KHDRBS2: variants seen among roughly 807,000 people sequenced by gnomAD.
The protein encoded by KHDRBS2 is KH domain-containing, RNA-binding, signal transduction-associated protein 2.
Under a neutral mutation model 44.3 loss-of-function variants are expected in KHDRBS2, and 26 were observed. That is an observed-to-expected ratio of 0.59 (90% confidence interval 0.43 to 0.81). The LOEUF (loss-of-function observed/expected upper bound fraction) is 0.81. KHDRBS2 is among the 40% of genes least tolerant of loss of function. The pLI is 0.00. For missense variants in KHDRBS2, 476 were observed against 433.1 expected (o/e 1.10, Z -0.88); for synonymous variants, 194 against 151.1 (o/e 1.28, Z -2.08).
intron 2 of KHDRBS2, among the ~76,000 whole-genome samples, chr6:62,056,640 A>G (rs542446193): frequency 2.0e-5 from 3 of 152,128 alleles, no homozygotes; most frequent in African/African-American, 7.2e-5. Context: ...AAAAATTAAG[A>G]ACAATTCAAG....
At chr6:61,545,059 AC>A in the KHDRBS2 span, among the ~76,000 whole-genome samples, 1 of 152,036 alleles carries the variant, frequency 6.6e-6, no homozygotes, top group South Asian at 2.1e-4. Flanking sequence ...GGGCACATGT[AC>A]CCTAAAACTT....
At chr6:61,782,689 G>GTGTATATA (rs1189465280) in intron 6 of KHDRBS2, among the ~76,000 whole-genome samples, 4 of 111,120 alleles carry the variant, frequency 3.6e-5, no homozygotes, top group African/African-American at 9.0e-5. Context: ...TAAAGGTTGT[G>GTGTATATA]TATATATATA....
chr6:62,126,232 G>A (rs1042972360), intron 2 of KHDRBS2, among the ~76,000 whole-genome samples: 21 of 152,150 alleles, frequency 1.4e-4, no homozygotes, highest in African/African-American at 4.8e-4. Flanking sequence ...CTAGGGCAGT[G>A]GTGGCCGTGG....
chr6:61,639,166 A>T, the KHDRBS2 span, among the ~76,000 whole-genome samples: 1 of 152,154 alleles, frequency 6.6e-6, no homozygotes, highest in African/African-American at 2.4e-5. Flanking sequence ...ATCTATGTTT[A>T]CATAATGTCC....
chr6:61,967,743 A>G (rs1048005225), intron 4 of KHDRBS2, among the ~76,000 whole-genome samples: 1 of 151,684 alleles, frequency 6.6e-6, no homozygotes, highest in Non-Finnish European at 1.5e-5. Flanking sequence ...TAGGACTCAC[A>G]GTTCTCTGTG....
At chr6:62,092,932 G>C (rs1584646444) in intron 2 of KHDRBS2, among the ~76,000 whole-genome samples, 1 of 151,956 alleles carries the variant, frequency 6.6e-6, no homozygotes, top group East Asian at 1.9e-4. Context: ...TCATCAGACA[G>C]GTTAATTTTT....
intron 4 of KHDRBS2, among the ~76,000 whole-genome samples, chr6:61,960,476 C>T (rs1472696877): frequency 6.6e-6 from 1 of 151,964 alleles, no homozygotes; most frequent in Non-Finnish European, 1.5e-5. Flanking sequence ...TATTAACTAT[C>T]ACAATTATGT....
chr6:62,113,995 C>G (rs1313972173), intron 2 of KHDRBS2, among the ~76,000 whole-genome samples: 1 of 152,068 alleles, frequency 6.6e-6, no homozygotes, highest in Non-Finnish European at 1.5e-5. Context: ...GAAGGGGAAG[C>G]AAACACATTC....
At chr6:62,147,556 A>G (rs1814218396) in intron 2 of KHDRBS2, among the ~76,000 whole-genome samples, 1 of 151,842 alleles carries the variant, frequency 6.6e-6, no homozygotes, top group Non-Finnish European at 1.5e-5. Context: ...GCTGCTACTC[A>G]AAGGTCCTTT....
intron 8 of KHDRBS2, among the ~76,000 whole-genome samples, chr6:61,694,805 A>G (rs954473501): frequency 1.3e-5 from 2 of 152,144 alleles, no homozygotes; most frequent in African/African-American, 4.8e-5. Flanking sequence ...TGCACTTCCT[A>G]TGGCAGCTTA....
chr6:61,605,193 C>A, the KHDRBS2 span, among the ~76,000 whole-genome samples: 1 of 152,124 alleles, frequency 6.6e-6, no homozygotes, highest in Non-Finnish European at 1.5e-5. Flanking sequence ...TATTAGGCCC[C>A]AGTCTCATTC....
chr6:61,911,069 A>T (rs1194698411), intron 4 of KHDRBS2, among the ~76,000 whole-genome samples: 1 of 152,218 alleles, frequency 6.6e-6, no homozygotes, highest in African/African-American at 2.4e-5. Flanking sequence ...TTAACAAAGA[A>T]ACTATAATGA....
intron 2 of KHDRBS2, among the ~76,000 whole-genome samples, chr6:62,068,088 A>C (rs993758425): frequency 1.3e-5 from 2 of 151,494 alleles, no homozygotes; most frequent in Non-Finnish European, 3.0e-5. Flanking sequence ...GGGAATTCTA[A>C]GTTTAACATT....
At chr6:61,748,524 G>A (rs1412198339) in intron 6 of KHDRBS2, among the ~76,000 whole-genome samples, 1 of 152,002 alleles carries the variant, frequency 6.6e-6, no homozygotes, top group African/African-American at 2.4e-5. Context: ...TTGAATAATT[G>A]CATCTGAAAA....
chr6:61,771,139 G>C (rs1780818987), intron 6 of KHDRBS2, among the ~76,000 whole-genome samples: 1 of 152,194 alleles, frequency 6.6e-6, no homozygotes, highest in African/African-American at 2.4e-5. Flanking sequence ...CAAATGCTGA[G>C]AGATTTTGTC....
chr6:61,662,296 T>C, the KHDRBS2 span, among the ~76,000 whole-genome samples: 1 of 152,034 alleles, frequency 6.6e-6, no homozygotes, highest in Admixed American at 6.6e-5. Flanking sequence ...ATAAAAACCC[T>C]AGAAGAAAAC....
chr6:61,969,203 C>G (rs1583862766), intron 4 of KHDRBS2, among the ~76,000 whole-genome samples: 1 of 151,890 alleles, frequency 6.6e-6, no homozygotes, highest in Non-Finnish European at 1.5e-5. Flanking sequence ...GCTCATAGAA[C>G]TTAAGGTTGA....
chr6:61,733,465 T>C (rs1180663769), intron 6 of KHDRBS2, among the ~76,000 whole-genome samples: 1 of 151,856 alleles, frequency 6.6e-6, no homozygotes, highest in African/African-American at 2.4e-5. Flanking sequence ...CGTGGTGGTG[T>C]GCACCTGTAA....
At chr6:61,739,396 C>T (rs1402008577) in intron 6 of KHDRBS2, among the ~76,000 whole-genome samples, 1 of 151,760 alleles carries the variant, frequency 6.6e-6, no homozygotes, top group Non-Finnish European at 1.5e-5. Flanking sequence ...ATGATAGGAG[C>T]AACTTTGCTC....
Sources: allele counts gnomAD v4.1 joint callset (sites outside exome capture counted in the v4.1 genomes callset), GRCh38; gene constraint gnomAD v4.1.1; transcripts MANE v1.5; gene names NCBI Gene and HGNC (gene_info 2026-07-23, HGNC 2026-07-21).